PRDM16: variants seen among roughly 807,000 people sequenced by gnomAD.
The protein encoded by PRDM16 is PR/SET domain 16, also known as histone-lysine N-methyltransferase PRDM16.
A neutral mutation model predicts 110.6 loss-of-function variants in PRDM16; 23 were observed. The ratio of observed to expected loss-of-function variants is 0.21; its 90% confidence interval spans 0.15 to 0.29. The LOEUF is 0.29. PRDM16 is among the 10% of genes least tolerant of loss of function. The pLI is 1.00. For missense variants in PRDM16, 1,615 were observed against 1,794.3 expected (o/e 0.90, Z 1.81); for synonymous variants, 799 against 781.8 (o/e 1.02, Z -0.37).
chr1:3,083,478 G>A (rs1642076384), intron 1 of PRDM16, among the ~76,000 whole-genome samples: 1 of 152,254 alleles, frequency 6.6e-6, no homozygotes, highest in Non-Finnish European at 1.5e-5. Context: ...TCTAGGGTTG[G>A]GGGTTTCACC....
chr1:3,269,625 A>AG (rs1640383913), intron 3 of PRDM16, among the ~76,000 whole-genome samples: 2 of 98,444 alleles, frequency 2.0e-5, no homozygotes, highest in African/African-American at 1.3e-4. Flanking sequence ...GCACAGTCCC[A>AG]GAGGAGCACA....
At chr1:3,121,382 T>C (rs1643090371) in intron 1 of PRDM16, among the ~76,000 whole-genome samples, 2 of 152,230 alleles carry the variant, frequency 1.3e-5, no homozygotes. Context: ...TAAAAGCCTG[T>C]CCTGGAGGAA....
In PRDM16 at chr1:3,268,345, G is replaced by A. The variant is rs185544256; in HGVS notation, c.438+24208G>A. Reference sequence around the variant, plus strand: ...AAGGCTTATTGGGTAAACATGCTCTGGGATTGTGACCCCTTAATTAATGGA... The same window carrying A: ...AAGGCTTATTGGGTAAACATGCTCTAGGATTGTGACCCCTTAATTAATGGA... On this transcript the variant is annotated intron_variant, in intron 3 of 16. Coordinates refer to ENST00000270722, the MANE Select transcript of PRDM16 (RefSeq NM_022114.4). Among the ~76,000 whole-genome samples the A allele has an allele frequency of 1.3e-4, 20 of 152,376 alleles. No homozygotes were observed. The East Asian group carries it at 2.5e-3, about 19-fold the overall frequency.
chr1:3,070,666 G>T, intron 1 of PRDM16, among the ~76,000 whole-genome samples: 1 of 151,870 alleles, frequency 6.6e-6, no homozygotes, highest in East Asian at 1.9e-4. Flanking sequence ...CCGGGGCCGA[G>T]CCCCCAAACG....
At chr1:3,212,931 T>C (rs757014445) in intron 2 of PRDM16, among the ~76,000 whole-genome samples, 20 of 152,216 alleles carry the variant, frequency 1.3e-4, no homozygotes, top group Non-Finnish European at 2.8e-4. Context: ...TTCATGTTGC[T>C]GGTGACCCCT....
chr1:3,354,039 G>A (rs911218452), intron 3 of PRDM16, among the ~76,000 whole-genome samples: 2 of 152,190 alleles, frequency 1.3e-5, no homozygotes, highest in African/African-American at 2.4e-5. Context: ...CCATGGAACC[G>A]GGTCCTGGTC....
intron 1 of PRDM16, among the ~76,000 whole-genome samples, chr1:3,086,658 C>G (rs1316110729): frequency 6.6e-6 from 1 of 152,158 alleles, no homozygotes; most frequent in Non-Finnish European, 1.5e-5. Flanking sequence ...CCAGGCCCGG[C>G]CACTGACGCC....
chr1:3,296,139 G>A (rs1357000011), intron 3 of PRDM16, among the ~76,000 whole-genome samples: 2 of 152,270 alleles, frequency 1.3e-5, no homozygotes, highest in East Asian at 3.9e-4. Context: ...ACTTCCTTAC[G>A]TTCCGGAACC....
chr1:3,159,984 C>T (rs375591146), intron 1 of PRDM16, among the ~76,000 whole-genome samples: 3 of 152,236 alleles, frequency 2.0e-5, no homozygotes, highest in South Asian at 2.1e-4. Flanking sequence ...AATCATCCAC[C>T]GCGTATCTGA....
intron 1 of PRDM16, among the ~76,000 whole-genome samples, chr1:3,103,327 T>C (rs558074500): frequency 6.6e-6 from 1 of 152,338 alleles, no homozygotes; most frequent in South Asian, 2.1e-4. Flanking sequence ...TGCATCTGCA[T>C]CCTCATCTTC....
chr1:3,121,987 G>T (rs536935839), intron 1 of PRDM16, among the ~76,000 whole-genome samples: 1 of 152,360 alleles, frequency 6.6e-6, no homozygotes, highest in East Asian at 1.9e-4. Context: ...TGGCAGGCGC[G>T]GGCGGTTGGT....
rs1644069236 is a variant in PRDM16, at chr1:3,175,002, C to T, written c.38-11123C>T. On this transcript the variant is annotated intron_variant, in intron 1 of 16. Transcript: ENST00000270722. This position sits in a 1 kb window ranked among gnomAD's most constrained non-coding sequence, Gnocchi z 4.8. ...GCTCAGAAGGGGAATGCCAATGAGT[C>T]CCAGTGCCGCAGGGCAGCCGCGGTC... Among the ~76,000 whole-genome samples the T allele has an allele frequency of 6.6e-6, 1 of 152,204 alleles. No homozygotes were observed. Among genetic ancestry groups the T allele is most frequent in the African/African-American group, 2.4e-5 (1 of 41,440 alleles).
chr1:3,412,661 C>G lies in PRDM16; in HGVS notation c.2464C>G (p.Pro822Ala). Residue 822 changes from proline (P) to alanine (A), a missense_variant, in exon 9 of 17, where the codon CCC becomes GCC. Pro to Ala is a conservative substitution (Grantham distance 27). This residue lies in a region of PRDM16 where 772 missense variants were observed against 748.3 expected (regional missense o/e 1.03). Transcript: ENST00000270722. ...CAGCCAAAACGGCGGCGGGCGGGAGCCCCGCAAGAACCACGTCTATGGGGA... is the reference window on the plus strand; with the variant it reads ...CAGCCAAAACGGCGGCGGGCGGGAGGCCCGCAAGAACCACGTCTATGGGGA... ...RASQNGGGRE[P>A]RKNHVYGERK... The G allele has an allele frequency of 5.9e-6, 9 of 1,528,590 alleles. No homozygotes were observed. Among genetic ancestry groups the G allele is most frequent in the Non-Finnish European group, 7.0e-6 (8 of 1,138,084 alleles). 94.7% of individuals were successfully genotyped at this position (1,528,590 alleles called of 1,614,324 possible).
chr1:3,348,649 A>G (rs977295593), intron 3 of PRDM16, among the ~76,000 whole-genome samples: 1 of 152,230 alleles, frequency 6.6e-6, no homozygotes, highest in Non-Finnish European at 1.5e-5. Flanking sequence ...CTCTTGAGAC[A>G]TGACCTTGAA....
intron 2 of PRDM16, among the ~76,000 whole-genome samples, chr1:3,215,828 C>T (rs1287731866): frequency 1.3e-5 from 2 of 152,158 alleles, no homozygotes; most frequent in Admixed American, 6.5e-5. Flanking sequence ...CAAGGCGCGG[C>T]GTCGGCAACA....
intron 3 of PRDM16, among the ~76,000 whole-genome samples, chr1:3,330,214 G>T (rs891506316): frequency 6.6e-6 from 1 of 152,238 alleles, no homozygotes; most frequent in Non-Finnish European, 1.5e-5. Flanking sequence ...GGGGAATGAG[G>T]CTGGGTGGGC....
At chr1:3,239,178 AGAAAGGGAGGATGT>A (rs1639606668) in intron 2 of PRDM16, among the ~76,000 whole-genome samples, 1 of 152,246 alleles carries the variant, frequency 6.6e-6, no homozygotes, top group African/African-American at 2.4e-5. Context: ...CCATCTTCTC[AGAAAGGGAGGATGT>A]GTGGGTGGCC....
rs909929536 is a variant in PRDM16 at position 3,201,873 on chromosome 1, G to A, written c.387+15399G>A. 6.6e-6 allele frequency among the ~76,000 whole-genome samples: 1 copy of A among 152,226 alleles called. No individual in the cohort carries two copies. Among genetic ancestry groups the A allele is most frequent in the Non-Finnish European group, 1.5e-5 (1 of 68,050 alleles). On this transcript the variant is annotated intron_variant, in intron 2 of 16. Coordinates refer to ENST00000270722, the MANE Select transcript of PRDM16 (RefSeq NM_022114.4). This position sits in a 1 kb window ranked among gnomAD's most constrained non-coding sequence, Gnocchi z 4.1. ...CTGCGGCTTCCCAGATCCCACATGA[G>A]CTTAGGCGCTGACTCCACCTCTCGG...
At chr1:3,146,595 A>G (rs1643661585) in intron 1 of PRDM16, among the ~76,000 whole-genome samples, 1 of 114,846 alleles carries the variant, frequency 8.7e-6, no homozygotes, top group Admixed American at 9.4e-5. Context: ...ATATGTGTGC[A>G]CGTGTGTGCT....
Sources: allele counts gnomAD v4.1 joint callset (sites outside exome capture counted in the v4.1 genomes callset), GRCh38; gene constraint gnomAD v4.1.1; regional missense constraint gnomAD v4.1.1; non-coding constraint Gnocchi (gnomAD v3.1); transcripts MANE v1.5; gene names NCBI Gene and HGNC (gene_info 2026-07-23, HGNC 2026-07-21).